The following CFAP97 variants were observed in gnomAD, a reference collection of about 807,000 sequenced individuals.
CFAP97 encodes cilia- and flagella-associated protein 97.
CFAP97 carries 36 observed loss-of-function variants against 43.1 expected under a neutral mutation model. The observed-to-expected ratio is 0.84, with a 90% CI of 0.64 to 1.10. The LOEUF is 1.10. CFAP97 is among the 50% of genes least tolerant of loss of function. The pLI, the probability that CFAP97 is intolerant of heterozygous loss-of-function variation, is 0.00. For synonymous variants in CFAP97, 228 were observed against 225.7 expected (o/e 1.01, Z -0.09); for missense variants, 657 against 620.3 (o/e 1.06, Z -0.63).
intron 1 of CFAP97, among the ~76,000 whole-genome samples, chr4:185,194,297 C>T (rs1329263642): frequency 1.3e-5 from 2 of 152,076 alleles, no homozygotes; most frequent in Admixed American, 6.6e-5. Flanking sequence ...GAGACCAGCC[C>T]GGTCCACATG....
In CFAP97 at chr4:185,165,265, C is replaced by A. The variant is rs181100033; in HGVS notation, c.1321-1086G>T. ...TTCAGGAGTTCCAGACCAGCCTGGA[C>A]AACATGGCGAAACGCTATCTCCATT... On this transcript the variant is annotated intron_variant, in intron 3 of 4. Coordinates refer to ENST00000458385, the MANE Select transcript of CFAP97 (RefSeq NM_020827.3). Among the ~76,000 whole-genome samples the A allele has an allele frequency of 1.7e-4, 26 of 152,144 alleles. 1 individual carries two copies. The highest frequency in any genetic ancestry group is 1.6e-3 in the Admixed American group (24 of 15,274).
In CFAP97 at chr4:185,190,589, G is replaced by A; in HGVS notation, c.608C>T (p.Ser203Leu). The A allele has an allele frequency of 6.2e-7, 1 of 1,612,800 alleles. No homozygotes were observed. Among genetic ancestry groups the A allele is most frequent in the Non-Finnish European group, 8.5e-7 (1 of 1,179,308 alleles). Reference protein sequence around the residue: ...SDSHLSDSSPSSKSSKKHVSG... With the variant: ...SDSHLSDSSPLSKSSKKHVSG... ...TACATGTTTCTTAGATGACTTAGAT[G>A]ACGGAGACGAATCAGATAGATGGCT... The change falls in exon 2 of 5, where the codon TCA (serine) becomes TTA (leucine). Residue 203 changes from serine (S) to leucine (L), a missense_variant. By Grantham distance (145) the Ser-to-Leu change is moderately radical. Coordinates refer to ENST00000458385, the MANE Select transcript of CFAP97 (RefSeq NM_020827.3).
intron 3 of CFAP97, chr4:185,169,995 T>A: frequency 4.6e-6 from 5 of 1,094,390 alleles, no homozygotes; most frequent in Non-Finnish European, 5.5e-6. Flanking sequence ...TTGCTATAAA[T>A]CATTTTTGTG....
chr4:185,189,242 CA>C (rs1579254894), intron 2 of CFAP97, among the ~76,000 whole-genome samples: 1 of 152,116 alleles, frequency 6.6e-6, no homozygotes, highest in East Asian at 1.9e-4. Flanking sequence ...ATCTCAAAAA[CA>C]AAAAACAAAA....
At chr4:185,181,386 C>T (rs6810693) in intron 2 of CFAP97, among the ~76,000 whole-genome samples, 64,591 of 136,876 alleles carry the variant, frequency 0.47, 14,918 homozygotes, top group Middle Eastern at 0.6. Flanking sequence ...AATGCAATGG[C>T]GCGATCTTGG....
rs142402224 is a variant in CFAP97, at chr4:185,180,617, G to GT, written c.1055-4567dup. Among the ~76,000 whole-genome samples, 907 of 151,122 alleles carry GT rather than the reference G, an allele frequency of 6.0e-3. 9 individuals carry two copies. Among genetic ancestry groups the GT allele is most frequent in the African/African-American group, 0.019 (779 of 41,126 alleles). On this transcript the variant is annotated intron_variant, in intron 2 of 4. Transcript: ENST00000458385. ...ATTTTTAAGCCTAAGTAATACTTCT[G>GT]TATTTTTTTTAATATGCTCTGATAG...
rs2111455578 is a variant in CFAP97, at chr4:185,209,079, G to A, written c.-74+246C>T. Among the ~76,000 whole-genome samples, 1 of 152,322 alleles carries A rather than the reference G, an allele frequency of 6.6e-6. No individual in the cohort carries two copies. Among genetic ancestry groups the A allele is most frequent in the East Asian group, 1.9e-4 (1 of 5,184 alleles). ...TGCGTGCACCCTGTTGCACCAGGCCGACTTCTTTGGACCTTTCCATAGCTA... is the reference window on the plus strand; with the variant it reads ...TGCGTGCACCCTGTTGCACCAGGCCAACTTCTTTGGACCTTTCCATAGCTA... On this transcript the variant is annotated intron_variant, in intron 1 of 2. Coordinates refer to the CFAP97 transcript ENST00000503223. The surrounding 1 kb of genome is among the most constrained non-coding windows in gnomAD (Gnocchi z 5.2).
chr4:185,178,963 T>A (rs1478755481), intron 2 of CFAP97, among the ~76,000 whole-genome samples: 2 of 152,116 alleles, frequency 1.3e-5, no homozygotes, highest in Non-Finnish European at 2.9e-5. Context: ...TGGTTTATTT[T>A]ACCCACAGTA....
At chr4:185,201,090 G>C (rs957853860) in intron 1 of CFAP97, among the ~76,000 whole-genome samples, 1 of 152,124 alleles carries the variant, frequency 6.6e-6, no homozygotes. Flanking sequence ...TTGGGAGGCC[G>C]AGGTGGGTGG....
intron 3 of CFAP97, among the ~76,000 whole-genome samples, chr4:185,167,243 G>A (rs572291483): frequency 3.0e-4 from 45 of 152,256 alleles, no homozygotes; most frequent in African/African-American, 1.1e-3. Flanking sequence ...AAGGCAGGAG[G>A]ATCGTGTGAG....
At chr4:185,181,655 T>C (rs147384306) in intron 2 of CFAP97, among the ~76,000 whole-genome samples, 1 of 152,300 alleles carries the variant, frequency 6.6e-6, no homozygotes, top group East Asian at 1.9e-4. Flanking sequence ...AGTTTTGTCC[T>C]CAAAGATCCT....
chr4:185,194,020 C>A (rs529189783), intron 1 of CFAP97, among the ~76,000 whole-genome samples: 1 of 152,188 alleles, frequency 6.6e-6, no homozygotes, highest in South Asian at 2.1e-4. Context: ...TGTCCGTAAA[C>A]GAAATCTTGT....
At chr4:185,190,021 T>C (rs895729735) in intron 2 of CFAP97, 122 bp downstream of exon 2, 1 of 681,346 alleles carries the variant, frequency 1.5e-6, no homozygotes, top group Non-Finnish European at 2.3e-6. Context: ...AAGTTACTAA[T>C]AATATCAATC....
intron 2 of CFAP97, among the ~76,000 whole-genome samples, chr4:185,185,633 CTTTTTTTTTTT>C (rs376786641): frequency 9.4e-6 from 1 of 105,958 alleles, no homozygotes; most frequent in African/African-American, 3.6e-5. Context: ...ATTTGCCAAC[CTTTTTTTTTTT>C]TTTTTTTTTT....
At position 185,176,032 on chromosome 4, in the gene CFAP97, T is replaced by A; in HGVS notation, c.1074A>T (p.Lys358Asn). The change falls in exon 3 of 5, where the codon AAA (lysine) becomes AAT (asparagine). Residue 358 changes from lysine to asparagine, a missense_variant. Physicochemically the swap from Lys to Asn is moderately conservative, Grantham distance 94. Transcript: ENST00000458385. ...CAAAGTGATGTTTTTGTGGTCCTTT[T>A]TTATCTAATTGCAGAAAAGCTACAG... The part of the protein sequence containing the change: ...HLLKAFLQLD[K>N]KGPQKHHFDQ... The A allele has an allele frequency of 6.3e-7, 1 of 1,599,956 alleles. No individual in the cohort carries two copies. Among genetic ancestry groups the A allele is most frequent in the Non-Finnish European group, 8.5e-7 (1 of 1,174,962 alleles).
intron 2 of CFAP97, among the ~76,000 whole-genome samples, chr4:185,177,381 C>G (rs1223434027): frequency 6.6e-6 from 1 of 150,698 alleles, no homozygotes; most frequent in African/African-American, 2.5e-5. Context: ...CCATTGCACT[C>G]CAGCCTGAGC....
At chr4:185,167,532 G>A (rs1199220515) in intron 3 of CFAP97, among the ~76,000 whole-genome samples, 2 of 152,124 alleles carry the variant, frequency 1.3e-5, no homozygotes, top group Non-Finnish European at 2.9e-5. Context: ...ATAAATATAA[G>A]CTATATGGTC....
At chr4:185,172,804 A>T (rs555825064) in intron 3 of CFAP97, among the ~76,000 whole-genome samples, 2 of 146,636 alleles carry the variant, frequency 1.4e-5, no homozygotes, top group East Asian at 4.2e-4. Context: ...GCCTGAGGTC[A>T]GGAGTCTGAG....
intron 4 of CFAP97, among the ~76,000 whole-genome samples, 152 bp downstream of exon 4, chr4:185,163,877 A>G (rs1429542565): frequency 6.6e-6 from 1 of 152,188 alleles, no homozygotes; most frequent in East Asian, 1.9e-4. Context: ...AATTAAGTGA[A>G]CTAATACAAA....
Sources: allele counts gnomAD v4.1 joint callset (sites outside exome capture counted in the v4.1 genomes callset), GRCh38; gene constraint gnomAD v4.1.1; non-coding constraint Gnocchi (gnomAD v3.1); transcripts MANE v1.5; gene names NCBI Gene and HGNC (gene_info 2026-07-23, HGNC 2026-07-21).